The following ACOT13 variants were observed in gnomAD, a reference collection of about 807,000 sequenced individuals.
ACOT13 encodes acyl-coenzyme A thioesterase 13.
ACOT13 carries 10 observed loss-of-function variants against 11.8 expected under a neutral mutation model. That is an observed-to-expected ratio of 0.85 (90% CI 0.53 to 1.44). The LOEUF is 1.44. Ranked by LOEUF, ACOT13 falls within the 40% of genes most tolerant of loss-of-function variation. The pLI is 0.00. For synonymous variants in ACOT13, 53 were observed against 61.0 expected (o/e 0.87, Z 0.61); for missense variants, 172 against 174.1 (o/e 0.99, Z 0.07).
intron 1 of ACOT13, among the ~76,000 whole-genome samples, chr6:24,688,211 A>G (rs1778664937): frequency 6.6e-6 from 1 of 152,054 alleles, no homozygotes; most frequent in African/African-American, 2.4e-5. Context: ...ATCTATGCAC[A>G]AAAAAATTTG....
intron 1 of ACOT13, among the ~76,000 whole-genome samples, chr6:24,687,200 T>C (rs1778645957): frequency 6.6e-6 from 1 of 152,194 alleles, no homozygotes; most frequent in African/African-American, 2.4e-5. Context: ...CATTAAACAA[T>C]AACTCTCCAT....
chr6:24,696,879 G>A (rs781628065), intron 1 of ACOT13, among the ~76,000 whole-genome samples: 1 of 151,934 alleles, frequency 6.6e-6, no homozygotes, highest in African/African-American at 2.4e-5. Flanking sequence ...GGGTTCAAGC[G>A]ATTCTCCTGC....
chr6:24,691,978 G>C (rs185608900), intron 1 of ACOT13, among the ~76,000 whole-genome samples: 4 of 152,286 alleles, frequency 2.6e-5, no homozygotes, highest in African/African-American at 7.2e-5. Flanking sequence ...CATTCTTGTA[G>C]CTACTATTGA....
chr6:24,684,423 C>T (rs567006032), intron 1 of ACOT13, among the ~76,000 whole-genome samples: 56 of 152,256 alleles, frequency 3.7e-4, no homozygotes, highest in African/African-American at 1.3e-3. Context: ...GGTTGGATTG[C>T]CTTTGAGTAT....
chr6:24,688,555 A>C (rs1167130639), intron 1 of ACOT13, among the ~76,000 whole-genome samples: 3 of 151,628 alleles, frequency 2.0e-5, no homozygotes, highest in Non-Finnish European at 4.4e-5. Context: ...AAAAAAAAAA[A>C]AAAATTGTGT....
chr6:24,695,874 A>C lies in ACOT13; in HGVS notation c.82-2009A>C, dbSNP rs572768351. 1.3e-4 allele frequency among the ~76,000 whole-genome samples: 20 copies of C among 152,162 alleles called. No homozygotes were observed. The South Asian group carries it at 3.6e-3, about 27-fold the overall frequency. On this transcript the variant is annotated intron_variant, in intron 1 of 2. Transcript: ENST00000230048. The stretch of plus-strand genomic sequence containing the variant: ...CTGAGGTCAGGAGTTCGAGACCAGC[A>C]TGGTGAAACCTCATCTCTCCTAAAA...
intron 1 of ACOT13, among the ~76,000 whole-genome samples, chr6:24,675,084 G>C (rs980976308): frequency 6.6e-6 from 1 of 152,058 alleles, no homozygotes; most frequent in African/African-American, 2.4e-5. Context: ...TGGCTGCATA[G>C]TATTCCATGG....
intron 1 of ACOT13, among the ~76,000 whole-genome samples, chr6:24,675,996 C>G (rs1778447740): frequency 6.6e-6 from 1 of 152,176 alleles, no homozygotes; most frequent in Admixed American, 6.5e-5. Context: ...TTCCCCATTT[C>G]TTGTTTTTGT....
At chr6:24,701,407 AC>A (rs1048148888) in intron 2 of ACOT13, 51 bp from the exon 3 acceptor site, 1 of 1,544,366 alleles carries the variant, frequency 6.5e-7, no homozygotes, top group African/African-American at 1.4e-5. Context: ...GATGCACACA[AC>A]TTTCCCTTTG....
At chr6:24,670,212 A>AT (rs1358702492) in intron 1 of ACOT13, among the ~76,000 whole-genome samples, 6 of 152,232 alleles carry the variant, frequency 3.9e-5, no homozygotes, top group Non-Finnish European at 4.4e-5. Flanking sequence ...TAGCAAGAAT[A>AT]ATTATTTTTC....
At position 24,667,246 on chromosome 6, in the gene ACOT13, G is replaced by A. The variant is rs965864662; in HGVS notation, c.-18G>A. On this transcript the variant is annotated 5_prime_UTR_variant, in exon 1 of 3. Transcript: ENST00000230048. Reference sequence around the variant, plus strand: ...GTTCGTTCTTGCGCAAAGCCCAAAGGCTGGAAAACCGTCCACGATGACCAG... The same window carrying A: ...GTTCGTTCTTGCGCAAAGCCCAAAGACTGGAAAACCGTCCACGATGACCAG... 2.5e-6 allele frequency: 4 copies of A among 1,613,472 alleles called. No homozygotes were observed. Among genetic ancestry groups the A allele is most frequent in the African/African-American group, 1.3e-5 (1 of 75,022 alleles).
intron 2 of ACOT13, among the ~76,000 whole-genome samples, chr6:24,698,702 A>C (rs1778839631): frequency 1.3e-5 from 2 of 150,810 alleles, no homozygotes; most frequent in South Asian, 4.2e-4. Context: ...GCAGCGGCAC[A>C]ATCTGGCTCA....
rs375957052 is a variant in ACOT13, at chr6:24,679,254, C to T, written c.81+11910C>T. 4.0e-4 allele frequency among the ~76,000 whole-genome samples: 60 copies of T among 151,320 alleles called. No homozygotes were observed. The South Asian group carries it at 0.012, about 30-fold the overall frequency. ...TTTTTTTATCCCGTTTGTCCCATTCCGCCTGCTTCTCCTGATCTGTATTAT... is the reference window on the plus strand; with the variant it reads ...TTTTTTTATCCCGTTTGTCCCATTCTGCCTGCTTCTCCTGATCTGTATTAT... On this transcript the variant is annotated intron_variant, in intron 1 of 2. Transcript: ENST00000230048.
At position 24,696,794 on chromosome 6, in the gene ACOT13, G is replaced by T. The variant is rs79680258; in HGVS notation, c.82-1089G>T. On this transcript the variant is annotated intron_variant, in intron 1 of 2. Transcript: ENST00000230048. ...AAAATCATAAATTCTTTTTTTTTTT[G>T]AGACTGAGTCTCCCTCTGTCATCCA... 4.8e-4 allele frequency among the ~76,000 whole-genome samples: 66 copies of T among 137,770 alleles called. 2 individuals carry two copies. The South Asian group carries it at 0.011, about 24-fold the overall frequency. The allele number at this position is 137,770 out of a possible 152,430, so 90.4% of individuals were successfully genotyped here. A position where few individuals can be genotyped will look rare whatever the true frequency, so the allele number is the denominator to read the frequency against.
rs371693007 is a variant in ACOT13, at chr6:24,671,829, C to T, written c.81+4485C>T. Among the ~76,000 whole-genome samples the T allele has an allele frequency of 8.5e-5, 13 of 152,220 alleles. 1 individual carries two copies. In the East Asian group the frequency reaches 9.6e-4, roughly 11 times the overall value. On this transcript the variant is annotated intron_variant, in intron 1 of 2. Coordinates refer to ENST00000230048, the MANE Select transcript of ACOT13 (RefSeq NM_018473.4). ...CCTCTGTAGCACACAATAATTTTAA[C>T]GTAACAATTATGATTATTACTGATA...
intron 1 of ACOT13, among the ~76,000 whole-genome samples, chr6:24,681,175 C>G (rs533082828): frequency 4.0e-5 from 3 of 75,056 alleles, no homozygotes; most frequent in Non-Finnish European, 4.8e-5. Context: ...TAGTAAGCTA[C>G]CTTTTTGCTT....
chr6:24,694,401 T>G (rs973854262), intron 1 of ACOT13, among the ~76,000 whole-genome samples: 1 of 152,174 alleles, frequency 6.6e-6, no homozygotes, highest in African/African-American at 2.4e-5. Context: ...ACCTGAGACA[T>G]CCTAGTTAAA....
rs376148385 is a variant in ACOT13 at position 24,694,883 on chromosome 6, GA to G, written c.82-2995del. Among the ~76,000 whole-genome samples the G allele has an allele frequency of 7.9e-5, 12 of 152,226 alleles. No homozygotes were observed. In the East Asian group the frequency reaches 1.2e-3, roughly 15 times the overall value. On this transcript the variant is annotated intron_variant, in intron 1 of 2. Coordinates refer to ENST00000230048, the MANE Select transcript of ACOT13 (RefSeq NM_018473.4). ...GTCCTTTGGCCTTTCAAGTTGGGGG[GA>G]AAAATCAAAACCAGTATTCTGTACT...
intron 1 of ACOT13, among the ~76,000 whole-genome samples, chr6:24,670,894 A>G (rs912537876): frequency 6.6e-6 from 1 of 152,112 alleles, no homozygotes; most frequent in African/African-American, 2.4e-5. Context: ...ATGAGTTCTG[A>G]AAGTTTTTCC....
Sources: gnomAD v4.1 joint callset for allele counts (sites outside exome capture counted in the v4.1 genomes callset) on GRCh38, gnomAD v4.1.1 for gene constraint, MANE v1.5 for transcripts, NCBI Gene and HGNC (gene_info 2026-07-23, HGNC 2026-07-21) for gene names.